SLFN11: variants seen among roughly 807,000 people sequenced by gnomAD.
The protein encoded by SLFN11 is schlafen family member 11.
A neutral mutation model predicts 53.4 loss-of-function variants in SLFN11; 43 were observed. That is an observed-to-expected ratio of 0.80 (90% CI 0.63 to 1.04). The LOEUF (loss-of-function observed/expected upper bound fraction) is 1.04, where lower values mean the gene tolerates loss of function less well. Among genes scored for constraint, SLFN11 ranks in the 50% least tolerant of loss-of-function variants. The pLI, the probability that SLFN11 is intolerant of heterozygous loss-of-function variation, is 0.00. For missense variants in SLFN11, 990 were observed against 1,079.1 expected (o/e 0.92, Z 1.16); for synonymous variants, 389 against 394.7 (o/e 0.99, Z 0.17).
In SLFN11 at chr17:35,354,025, T is replaced by A; in HGVS notation, c.1233A>T (p.Ser411=). 6.2e-7 allele frequency: 1 copy of A among 1,613,338 alleles called. No individual in the cohort carries two copies. Among genetic ancestry groups the A allele is most frequent in the Non-Finnish European group, 8.5e-7 (1 of 1,179,612 alleles). Residue 411 remains serine (S), a synonymous_variant, in exon 6 of 7, where the codon TCA becomes TCT. Transcript: ENST00000685675. ...PPGYLRYTPE[S]LWRDLISEHR... ...GCTCTGAGATCAGGTCCCTCCAGAGTGACTCTGGAGTATATCGCAAATATC... is the reference window on the plus strand; with the variant it reads ...GCTCTGAGATCAGGTCCCTCCAGAGAGACTCTGGAGTATATCGCAAATATC...
At position 35,352,529 on chromosome 17, in the gene SLFN11, A is replaced by G. The variant is rs1171122855; in HGVS notation, c.2533T>C (p.Leu845=). 5 of 1,614,040 alleles carry G rather than the reference A, an allele frequency of 3.1e-6. No homozygotes were observed. The Admixed American group carries it at 6.7e-5, about 22-fold the overall frequency. The change falls in exon 7 of 7, where the codon TTG becomes CTG. Residue 845 remains leucine (L), a synonymous_variant. Coordinates refer to ENST00000685675, the MANE Select transcript of SLFN11 (RefSeq NM_001376007.1). The stretch of plus-strand genomic sequence containing the variant: ...CTGTCCAACACAATGTGATCACCCA[A>G]CATATCACATGCATCACTGAGCTGC... ...VVQLSDACDM[L]GDHIVLDSVR...
In SLFN11 at chr17:35,360,259, C is replaced by T; in HGVS notation, c.1182G>A (p.Gln394=). The part of the protein sequence containing the change: ...KKGLEHKKEL[Q]QLLFSVPPGY... ...CATAATTACCTGAAAATAAAAGTTG[C>T]TGGAGTTCCTTTTTATGTTCCAGGC... Residue 394 remains glutamine, a synonymous_variant, in exon 5 of 7, where the codon CAG becomes CAA. Coordinates refer to ENST00000685675, the MANE Select transcript of SLFN11 (RefSeq NM_001376007.1). 6.2e-7 allele frequency: 1 copy of T among 1,609,652 alleles called. No homozygotes were observed.
Position 35,353,690 on chromosome 17 carries a change from G to A in SLFN11, c.1568C>T (p.Ala523Val), listed in dbSNP as rs1389989567. Residue 523 changes from alanine to valine, a missense_variant, in exon 6 of 7, where the codon GCA becomes GTA. This residue lies in a region of SLFN11 where 156 missense variants were observed against 241.9 expected (regional missense o/e 0.64). Transcript: ENST00000685675. ...AGACACTGCAGCCTCCAAGGCCTCT[G>A]CGCTGCTCTCAGGACTCAGGCAGAG... ...KVLCLSPESS[A>V]EALEAAVSPM... The A allele has an allele frequency of 1.3e-5, 18 of 1,344,192 alleles. 1 individual carries two copies. In the East Asian group the frequency reaches 4.3e-4, roughly 32 times the overall value. 83.3% of individuals were successfully genotyped at this position (1,344,192 alleles called of 1,614,324 possible).
intron 5 of SLFN11, among the ~76,000 whole-genome samples, chr17:35,356,654 A>G (rs998679078): frequency 5.3e-5 from 8 of 151,944 alleles, no homozygotes; most frequent in Admixed American, 1.3e-4. Context: ...GCTATCTAAC[A>G]CAGTATTTTA....
chr17:35,353,122 C>G lies in SLFN11; in HGVS notation c.1940G>C (p.Arg647Pro). ...TAGGAAAGTTTTCCGGGTCTCTGCT[C>G]GGCAGATATTTCTATCACTGTAAAA... ...RNFISDRNIC[R>P]AETRKTFLRE... Residue 647 changes from arginine (R) to proline (P), a missense_variant, in exon 7 of 7, where the codon CGA becomes CCA. Arg to Pro is a moderately radical substitution (Grantham distance 103, BLOSUM62 -2). Coordinates refer to ENST00000685675, the MANE Select transcript of SLFN11 (RefSeq NM_001376007.1). 6.2e-7 allele frequency: 1 copy of G among 1,613,348 alleles called. No individual in the cohort carries two copies. Among genetic ancestry groups the G allele is most frequent in the Middle Eastern group, 1.7e-4 (1 of 6,058 alleles).
chr17:35,352,756 C>G lies in SLFN11; in HGVS notation c.2306G>C (p.Trp769Ser). The G allele has an allele frequency of 6.2e-7, 1 of 1,614,218 alleles. No homozygotes were observed. Among genetic ancestry groups the G allele is most frequent in the Non-Finnish European group, 8.5e-7 (1 of 1,180,054 alleles). ...TAAGGTTCCCTGAACACCCTGGGAC[C>G]ATTCGGCTTCAGGAAATACCTCGAG... ...GCLEVFPEAE[W>S]SQGVQGTLRI... Residue 769 changes from tryptophan to serine, a missense_variant, in exon 7 of 7, where the codon TGG (tryptophan) becomes TCG (serine). Physicochemically the swap from Trp to Ser is radical, Grantham distance 177 (BLOSUM62 -3). Coordinates refer to ENST00000685675, the MANE Select transcript of SLFN11 (RefSeq NM_001376007.1).
At chr17:35,367,820 A>G (rs1909157158) in intron 1 of SLFN11, 120 bp from the exon 2 acceptor site, 1 of 152,174 alleles carries the variant, frequency 6.6e-6, no homozygotes, top group South Asian at 2.1e-4. Context: ...GTTTCCATTT[A>G]TTAGCTGTAT....
At chr17:35,354,442 A>T (rs1907214460) in intron 5 of SLFN11, among the ~76,000 whole-genome samples, 1 of 152,158 alleles carries the variant, frequency 6.6e-6, no homozygotes, top group African/African-American at 2.4e-5. Flanking sequence ...CTTTCAAAGT[A>T]CCTGAATCTC....
At chr17:35,364,273 C>T (rs1266900345) in intron 3 of SLFN11, among the ~76,000 whole-genome samples, 1 of 151,960 alleles carries the variant, frequency 6.6e-6, no homozygotes, top group African/African-American at 2.4e-5. Flanking sequence ...TAAAAGAAAA[C>T]AACATTGAAA....
chr17:35,368,250 A>T (rs1214387905), intron 1 of SLFN11, among the ~76,000 whole-genome samples: 2 of 152,032 alleles, frequency 1.3e-5, no homozygotes, highest in African/African-American at 4.8e-5. Flanking sequence ...GCAGAACAAG[A>T]CGGTGTAATA....
chr17:35,359,386 G>T (rs1567820823), intron 5 of SLFN11, among the ~76,000 whole-genome samples: 1 of 152,044 alleles, frequency 6.6e-6, no homozygotes, highest in Admixed American at 6.6e-5. Context: ...TCTAATGGGG[G>T]CAGTCATTAT....
At chr17:35,354,846 A>G (rs1907262098) in intron 5 of SLFN11, among the ~76,000 whole-genome samples, 3 of 152,012 alleles carry the variant, frequency 2.0e-5, no homozygotes. Flanking sequence ...CCAAATCAAG[A>G]TTTGTAGTGG....
chr17:35,355,619 A>G (rs1328222791), intron 5 of SLFN11, among the ~76,000 whole-genome samples: 5 of 152,096 alleles, frequency 3.3e-5, no homozygotes, highest in Non-Finnish European at 7.4e-5. Context: ...TTTTTCTTTA[A>G]TTGTATAATG....
chr17:35,354,206 T>C (rs1191360357), intron 5 of SLFN11, 147 bp from the exon 6 acceptor site: 3 of 629,024 alleles, frequency 4.8e-6, no homozygotes, highest in Non-Finnish European at 6.6e-6. Context: ...ATTATAGTTA[T>C]AAAGGAAAAG....
chr17:35,356,515 C>T (rs2141940108), intron 5 of SLFN11, among the ~76,000 whole-genome samples: 1 of 152,154 alleles, frequency 6.6e-6, no homozygotes, highest in South Asian at 2.1e-4. Context: ...TATGCAAATA[C>T]AAACAAATAT....
At chr17:35,359,209 A>G (rs1366602509) in intron 5 of SLFN11, among the ~76,000 whole-genome samples, 2 of 152,112 alleles carry the variant, frequency 1.3e-5, no homozygotes, top group Non-Finnish European at 2.9e-5. Flanking sequence ...AATTTATTCC[A>G]TGGTAATAAG....
At chr17:35,368,664 G>A (rs531644517) in intron 1 of SLFN11, among the ~76,000 whole-genome samples, 13 of 152,204 alleles carry the variant, frequency 8.5e-5, no homozygotes, top group South Asian at 8.3e-4. Context: ...CAGCTGGGGC[G>A]ACTAAGAGAG....
At chr17:35,370,393 T>C (rs1909498778) in intron 1 of SLFN11, among the ~76,000 whole-genome samples, 1 of 152,102 alleles carries the variant, frequency 6.6e-6, no homozygotes, top group South Asian at 2.1e-4. Context: ...AGGGAAACAC[T>C]GAAAGCCTTT....
rs1159848067 is a variant in SLFN11 at position 35,354,039 on chromosome 17, A to G, written c.1219T>C (p.Tyr407His). 13 of 1,610,500 alleles carry G rather than the reference A, an allele frequency of 8.1e-6. No individual in the cohort carries two copies. Among genetic ancestry groups the G allele is most frequent in the Non-Finnish European group, 8.5e-6 (10 of 1,177,964 alleles). Residue 407 changes from tyrosine (Y) to histidine (H), a missense_variant, in exon 6 of 7, where the codon TAT becomes CAT. Coordinates refer to ENST00000685675, the MANE Select transcript of SLFN11 (RefSeq NM_001376007.1). ...LFSVPPGYLR[Y>H]TPESLWRDLI... ...TCCCTCCAGAGTGACTCTGGAGTAT[A>G]TCGCAAATATCCTGGTGGGACTGTA... is the stretch of plus-strand genomic sequence containing the variant.
Sources: gnomAD v4.1 joint callset for allele counts (sites outside exome capture counted in the v4.1 genomes callset) on GRCh38, gnomAD v4.1.1 for gene constraint, gnomAD v4.1.1 regional missense constraint, MANE v1.5 for transcripts, NCBI Gene and HGNC (gene_info 2026-07-23, HGNC 2026-07-21) for gene names.